TCERG1L: variants seen among roughly 807,000 people sequenced by gnomAD.
TCERG1L encodes transcription elongation regulator 1 like.
Under a neutral mutation model 56.3 loss-of-function variants are expected in TCERG1L, and 37 were observed. That is an observed-to-expected ratio of 0.66 (90% confidence interval 0.51 to 0.87). TCERG1L has a LOEUF of 0.87. Among genes scored for constraint, TCERG1L ranks in the 40% least tolerant of loss-of-function variants. The pLI is 0.00. For synonymous variants in TCERG1L, 324 were observed against 326.3 expected (o/e 0.99, Z 0.08); for missense variants, 799 against 774.2 (o/e 1.03, Z -0.38).
chr10:131,281,062 C>A (rs181410755), intron 3 of TCERG1L, among the ~76,000 whole-genome samples: 3 of 152,256 alleles, frequency 2.0e-5, no homozygotes, highest in Admixed American at 2.0e-4. Context: ...AGTGAAAATT[C>A]TTTTTCTCTT....
intron 7 of TCERG1L, among the ~76,000 whole-genome samples, chr10:131,135,791 AC>A (rs1001982058): frequency 1.3e-5 from 2 of 152,214 alleles, no homozygotes; most frequent in Non-Finnish European, 2.9e-5. Context: ...CATCATGCAC[AC>A]CCTGTGTGGG....
chr10:131,237,969 C>G (rs1244156097), intron 4 of TCERG1L, among the ~76,000 whole-genome samples: 2 of 152,242 alleles, frequency 1.3e-5, no homozygotes, highest in African/African-American at 4.8e-5. Flanking sequence ...GCCTGCAGAG[C>G]CCTAATGTGG....
chr10:131,244,944 G>A lies in TCERG1L; in HGVS notation c.856+15315C>T, dbSNP rs1846015082. Among the ~76,000 whole-genome samples, 4 of 152,286 alleles carry A rather than the reference G, an allele frequency of 2.6e-5. No individual in the cohort carries two copies. In the South Asian group the frequency reaches 8.3e-4, roughly 32 times the overall value. On this transcript the variant is annotated intron_variant, in intron 4 of 11. Transcript: ENST00000368642. ...CAGGTGTCTTCCTGCCCAGGACACT[G>A]GGGAACAGGAAGAGCATCAGTAACA...
intron 4 of TCERG1L, among the ~76,000 whole-genome samples, chr10:131,252,468 T>A (rs1468048872): frequency 2.0e-5 from 3 of 151,968 alleles, no homozygotes; most frequent in Non-Finnish European, 4.4e-5. Context: ...GTCAGCTTTC[T>A]CCCATCCAGA....
At position 131,111,680 on chromosome 10, in the gene TCERG1L, T is replaced by TGAGAGTGGGGGAATGGGCC; in HGVS notation, c.1395+5118_1395+5119insGGCCCATTCCCCCACTCTC. On this transcript the variant is annotated intron_variant, in intron 9 of 11. Coordinates refer to ENST00000368642, the MANE Select transcript of TCERG1L (RefSeq NM_174937.4). The stretch of plus-strand genomic sequence containing the variant: ...TTCCTCGCACAGCCTGACCTTCCCC[T>TGAGAGTGGGGGAATGGGCC]CGTCCACGCCCCGTGGGCAGAGGAC... Among the ~76,000 whole-genome samples the TGAGAGTGGGGGAATGGGCC allele has an allele frequency of 2.8e-5, 4 of 142,998 alleles. 1 individual carries two copies. 93.8% of individuals were successfully genotyped at this position (142,998 alleles called of 152,430 possible).
At chr10:131,152,354 GT>G (rs1845874390) in intron 6 of TCERG1L, among the ~76,000 whole-genome samples, 1 of 152,178 alleles carries the variant, frequency 6.6e-6, no homozygotes, top group Non-Finnish European at 1.5e-5. Flanking sequence ...AAAGCTGCCA[GT>G]CTCTGCTAAA....
At chr10:131,146,758 A>T (rs879085263) in intron 6 of TCERG1L, 98 bp from the exon 7 acceptor site, 19 of 1,329,298 alleles carry the variant, frequency 1.4e-5, no homozygotes, top group East Asian at 4.8e-5. Flanking sequence ...TCAGGACCGA[A>T]ATCCACACAT....
intron 3 of TCERG1L, among the ~76,000 whole-genome samples, chr10:131,279,408 A>G (rs367943394): frequency 3.3e-5 from 5 of 152,288 alleles, no homozygotes; most frequent in African/African-American, 1.2e-4. Context: ...ACTGTTTAGG[A>G]CAGTGGATGG....
chr10:131,177,772 G>T (rs1057071480), intron 4 of TCERG1L, among the ~76,000 whole-genome samples: 1 of 151,898 alleles, frequency 6.6e-6, no homozygotes, highest in Admixed American at 6.6e-5. Context: ...ACGGCAGGAG[G>T]CTGAAGGGGA....
intron 4 of TCERG1L, among the ~76,000 whole-genome samples, chr10:131,214,299 C>T (rs1845646956): frequency 6.6e-6 from 1 of 151,878 alleles, no homozygotes; most frequent in Non-Finnish European, 1.5e-5. Context: ...CATGGGACCC[C>T]CAGGGAGTCT....
intron 9 of TCERG1L, among the ~76,000 whole-genome samples, 196 bp downstream of exon 9, chr10:131,116,603 T>C (rs1219430375): frequency 6.6e-6 from 1 of 152,116 alleles, no homozygotes; most frequent in African/African-American, 2.4e-5. Flanking sequence ...GGGGGAGGCA[T>C]CCCTCAGGCC....
chr10:131,253,179 A>G (rs1192084315), intron 4 of TCERG1L, among the ~76,000 whole-genome samples: 1 of 152,202 alleles, frequency 6.6e-6, no homozygotes, highest in African/African-American at 2.4e-5. Flanking sequence ...CCCGGCCACC[A>G]TCGCAGCCAC....
rs767911745 is a variant in TCERG1L, at chr10:131,104,359, A to G, written c.1396-5T>C. 3.3e-6 allele frequency: 5 copies of G among 1,529,504 alleles called. No homozygotes were observed. In the South Asian group the frequency reaches 3.6e-5, roughly 11 times the overall value. The allele number at this position is 1,529,504 out of a possible 1,614,324, so 94.7% of individuals were successfully genotyped here. On this transcript the variant is annotated splice_region_variant and splice_polypyrimidine_tract_variant and intron_variant, in intron 9 of 11. Transcript: ENST00000368642. ...CCAGGTAGAAAATGCTGATACCTAAAGAAAGATATTCAATAGAGTTGCTGT... is the reference window on the plus strand; with the variant it reads ...CCAGGTAGAAAATGCTGATACCTAAGGAAAGATATTCAATAGAGTTGCTGT...
rs1047224871 is a variant in TCERG1L, at chr10:131,093,077, A to C, written c.*85T>G. On this transcript the variant is annotated 3_prime_UTR_variant, in exon 12 of 12. Coordinates refer to ENST00000368642, the MANE Select transcript of TCERG1L (RefSeq NM_174937.4). ...GGGCCGTGCAGGTCTCGGCCGCCCC[A>C]CGCCCGTGTCCGTCTCCACCGTGAC... 106 of 1,464,406 alleles carry C rather than the reference A, an allele frequency of 7.2e-5. No individual in the cohort carries two copies. Among genetic ancestry groups the C allele is most frequent in the Middle Eastern group, 2.3e-4 (1 of 4,372 alleles). 90.7% of individuals were successfully genotyped at this position (1,464,406 alleles called of 1,614,324 possible). A position where few individuals can be genotyped will look rare whatever the true frequency, so the allele number is the denominator to read the frequency against.
chr10:131,198,245 A>G (rs552017418), intron 4 of TCERG1L, among the ~76,000 whole-genome samples: 1 of 152,232 alleles, frequency 6.6e-6, no homozygotes. Context: ...GTCTATTCTG[A>G]TAGAAAAGAA....
rs1468513166 is a variant in TCERG1L, at chr10:131,098,316, C to G, written c.1594G>C (p.Val532Leu). 1.1e-5 allele frequency: 17 copies of G among 1,551,956 alleles called. No homozygotes were observed. Among genetic ancestry groups the G allele is most frequent in the Non-Finnish European group, 1.5e-5 (17 of 1,147,242 alleles). The change falls in exon 11 of 12, where the codon GTG (valine) becomes CTG (leucine). Residue 532 changes from valine (V) to leucine (L), a missense_variant. Val to Leu is a conservative substitution (Grantham distance 32, BLOSUM62 1). Coordinates refer to ENST00000368642, the MANE Select transcript of TCERG1L (RefSeq NM_174937.4). Reference sequence around the variant, plus strand: ...TTTCTCTCTCCATACCTGGGAGACACTTTAGATTCCTCTAGAAGTTTCTTG... The same window carrying G: ...TTTCTCTCTCCATACCTGGGAGACAGTTTAGATTCCTCTAGAAGTTTCTTG... ...EFKKLLEESKVSPRTTFKEFA... is the reference protein window; with the variant it reads ...EFKKLLEESKLSPRTTFKEFA...
intron 4 of TCERG1L, among the ~76,000 whole-genome samples, chr10:131,256,899 G>A (rs1846168896): frequency 7.0e-6 from 1 of 143,814 alleles, no homozygotes; most frequent in Admixed American, 7.1e-5. Context: ...AAAAGAAAGA[G>A]AGAAAGACAA....
intron 8 of TCERG1L, among the ~76,000 whole-genome samples, chr10:131,128,898 G>C (rs1056136190): frequency 3.9e-5 from 6 of 152,102 alleles, no homozygotes; most frequent in Non-Finnish European, 8.8e-5. Context: ...AATCAAACCT[G>C]ACCCTGATAA....
chr10:131,092,920 A>T lies in TCERG1L; in HGVS notation c.*242T>A. The T allele has an allele frequency of 2.4e-6, 1 of 421,764 alleles. No homozygotes were observed. The highest frequency in any genetic ancestry group is 4.2e-6 in the Non-Finnish European group (1 of 238,220). 26.1% of individuals were successfully genotyped at this position (421,764 alleles called of 1,614,324 possible). A position where few individuals can be genotyped will look rare whatever the true frequency, so the allele number is the denominator to read the frequency against. ...GTGTATATTACAAGTAATTTGCATAATTAAAACAATTAAGGGATCGACGTA... is the reference window on the plus strand; with the variant it reads ...GTGTATATTACAAGTAATTTGCATATTTAAAACAATTAAGGGATCGACGTA... On this transcript the variant is annotated 3_prime_UTR_variant, in exon 12 of 12. Coordinates refer to ENST00000368642, the MANE Select transcript of TCERG1L (RefSeq NM_174937.4).
Sources: gnomAD v4.1 joint callset for allele counts (sites outside exome capture counted in the v4.1 genomes callset) on GRCh38, gnomAD v4.1.1 for gene constraint, MANE v1.5 for transcripts, NCBI Gene and HGNC (gene_info 2026-07-23, HGNC 2026-07-21) for gene names.